PPARGC1A: variants seen among roughly 807,000 people sequenced by gnomAD.
PPARGC1A encodes the protein peroxisome proliferator-activated receptor gamma coactivator 1-alpha.
PPARGC1A carries 25 observed loss-of-function variants against 88.7 expected under a neutral mutation model. The ratio of observed to expected loss-of-function variants is 0.28; its 90% CI spans 0.21 to 0.39. The LOEUF (loss-of-function observed/expected upper bound fraction) is 0.39, where lower values mean the gene tolerates loss of function less well. Among genes scored for constraint, PPARGC1A ranks in the 10% least tolerant of loss-of-function variants. The pLI is 1.00. For missense variants in PPARGC1A, 880 were observed against 968.7 expected, an observed-to-expected ratio of 0.91 and a Z score of 1.22; for synonymous variants, 363 against 355.6, an observed-to-expected ratio of 1.02 and a Z score of -0.24.
chr4:23,884,204 TTTA>T (rs1206104531), intron 2 of PPARGC1A: 1 of 152,224 alleles, frequency 6.6e-6, no homozygotes, highest in African/African-American at 2.4e-5. Context: ...TTTTGACTGA[TTTA>T]TAAGTATACA....
At chr4:24,125,280 C>A in the PPARGC1A span, among the ~76,000 whole-genome samples, 1 of 152,130 alleles carries the variant, frequency 6.6e-6, no homozygotes, top group African/African-American at 2.4e-5. Context: ...AGGTCCTCCC[C>A]CAATGAGAGC....
At chr4:23,875,758 T>C (rs931158176) in intron 2 of PPARGC1A, 2 of 152,188 alleles carry the variant, frequency 1.3e-5, no homozygotes, top group African/African-American at 2.4e-5. Flanking sequence ...GTATGGAACA[T>C]ATCAAACACG....
At chr4:23,883,223 TC>T (rs1716276295) in intron 2 of PPARGC1A, 1 of 152,144 alleles carries the variant, frequency 6.6e-6, no homozygotes, top group South Asian at 2.1e-4. Context: ...CCTTGTTCTG[TC>T]TCCCCAGTCC....
At chr4:24,253,745 C>T in the PPARGC1A span, among the ~76,000 whole-genome samples, 1 of 152,176 alleles carries the variant, frequency 6.6e-6, no homozygotes, top group Non-Finnish European at 1.5e-5. Flanking sequence ...CTAGTGCCAG[C>T]CCTAGTGTTC....
chr4:23,835,687 G>C (rs934706949), intron 2 of PPARGC1A, among the ~76,000 whole-genome samples: 2 of 152,116 alleles, frequency 1.3e-5, no homozygotes, highest in Non-Finnish European at 1.5e-5. Context: ...AGTGAATTAA[G>C]GAAGGAAAAA....
the PPARGC1A span, among the ~76,000 whole-genome samples, chr4:24,468,724 T>G: frequency 6.6e-6 from 1 of 152,206 alleles, no homozygotes; most frequent in Non-Finnish European, 1.5e-5. Flanking sequence ...AACACCCTCA[T>G]TGTTTCCAAT....
At chr4:24,340,909 T>C in the PPARGC1A span, among the ~76,000 whole-genome samples, 1 of 152,138 alleles carries the variant, frequency 6.6e-6, no homozygotes, top group Non-Finnish European at 1.5e-5. Flanking sequence ...GTTTAGTAAA[T>C]TATCCATTTC....
the PPARGC1A span, among the ~76,000 whole-genome samples, chr4:24,273,385 T>C: frequency 6.6e-6 from 1 of 152,210 alleles, no homozygotes; most frequent in Non-Finnish European, 1.5e-5. Flanking sequence ...GAACCCTTAA[T>C]GAAATGCAGC....
At chr4:24,163,579 G>A in the PPARGC1A span, among the ~76,000 whole-genome samples, 4 of 152,160 alleles carry the variant, frequency 2.6e-5, no homozygotes, top group Non-Finnish European at 5.9e-5. Flanking sequence ...AATAATTACT[G>A]TGGCATTATG....
chr4:24,270,384 T>TTA, the PPARGC1A span, among the ~76,000 whole-genome samples: 93,938 of 151,312 alleles, frequency 0.62, 29,662 homozygotes, highest in East Asian at 0.87. Context: ...TCTTGGGTGT[T>TTA]TCTCTAGAGA....
At chr4:24,130,198 T>C in the PPARGC1A span, among the ~76,000 whole-genome samples, 1 of 152,140 alleles carries the variant, frequency 6.6e-6, no homozygotes, top group Non-Finnish European at 1.5e-5. Flanking sequence ...GAGCTTGCAA[T>C]GCTCAGGGGA....
the PPARGC1A span, among the ~76,000 whole-genome samples, chr4:24,193,805 G>A: frequency 1.3e-5 from 2 of 152,104 alleles, no homozygotes; most frequent in Admixed American, 1.3e-4. Flanking sequence ...CAAGCACAGT[G>A]CCTCCTACAG....
chr4:23,877,344 G>A (rs71618531), intron 2 of PPARGC1A, among the ~76,000 whole-genome samples: 12 of 102,408 alleles, frequency 1.2e-4, no homozygotes, highest in Non-Finnish European at 1.7e-4. Flanking sequence ...GGGAAACCCC[G>A]TCTCTACTAA....
At chr4:24,378,198 A>C in the PPARGC1A span, among the ~76,000 whole-genome samples, 1 of 152,090 alleles carries the variant, frequency 6.6e-6, no homozygotes, top group Non-Finnish European at 1.5e-5. Flanking sequence ...TTAGCTGGGC[A>C]TGGCTGCGCA....
chr4:23,979,698 A>G, the PPARGC1A span, among the ~76,000 whole-genome samples: 3,121 of 152,286 alleles, frequency 0.02, 109 homozygotes, highest in African/African-American at 0.072. Context: ...CTGTAAACCT[A>G]TTGAGGGATG....
intron 2 of PPARGC1A, 36 bp downstream of exon 2, chr4:23,884,716 C>T: frequency 6.3e-7 from 1 of 1,578,966 alleles, no homozygotes; most frequent in Non-Finnish European, 8.6e-7. Context: ...AAGCCAAACT[C>T]AATGAAAAAT....
the PPARGC1A span, among the ~76,000 whole-genome samples, chr4:24,387,163 G>A: frequency 6.6e-6 from 1 of 152,136 alleles, no homozygotes; most frequent in African/African-American, 2.4e-5. Context: ...TTTAATAAAT[G>A]GTGTTGGGAA....
chr4:23,844,804 T>TTATTATAATATATGATATA (rs1727949027), intron 2 of PPARGC1A, among the ~76,000 whole-genome samples: 4 of 125,994 alleles, frequency 3.2e-5, no homozygotes, highest in African/African-American at 1.2e-4. Context: ...ATGATATATA[T>TTATTATAATATATGATATA]TATTATAATA....
At chr4:24,343,296 C>T in the PPARGC1A span, among the ~76,000 whole-genome samples, 1 of 152,138 alleles carries the variant, frequency 6.6e-6, no homozygotes, top group East Asian at 1.9e-4. Context: ...TCTAATGCAA[C>T]AGTATTAAAA....
Sources: allele counts gnomAD v4.1 joint callset (sites outside exome capture counted in the v4.1 genomes callset), GRCh38; gene constraint gnomAD v4.1.1; transcripts MANE v1.5; gene names NCBI Gene and HGNC (gene_info 2026-07-23, HGNC 2026-07-21).